PLEKHG1: variants seen among roughly 807,000 people sequenced by gnomAD.
The protein encoded by PLEKHG1 is pleckstrin homology domain-containing family G member 1.
In PLEKHG1, 44 loss-of-function variants were observed where a neutral mutation model predicts 100.8. The observed-to-expected ratio is 0.44, with a 90% CI of 0.34 to 0.56. The LOEUF (loss-of-function observed/expected upper bound fraction) is 0.56, where lower values mean the gene tolerates loss of function less well. Among genes scored for constraint, PLEKHG1 ranks in the 20% least tolerant of loss-of-function variants. The pLI is 0.01. For synonymous variants in PLEKHG1, 640 were observed against 662.5 expected (o/e 0.97, Z 0.52); for missense variants, 1,545 against 1,720.9 (o/e 0.90, Z 1.81).
chr6:150,818,299 A>G (rs1366447335), intron 11 of PLEKHG1, 83 bp downstream of exon 12: 4 of 1,048,826 alleles, frequency 3.8e-6, no homozygotes, highest in Non-Finnish European at 5.9e-6. Flanking sequence ...GTTCATGAAA[A>G]TGTCGATTGT....
At chr6:150,806,558 C>T (rs141032052) in intron 7 of PLEKHG1, among the ~76,000 whole-genome samples, 6,792 of 151,760 alleles carry the variant, frequency 0.045, 236 homozygotes, top group African/African-American at 0.095. Context: ...TGGTGGCACA[C>T]GCCTGTAATC....
exon 8 of PLEKHG1, chr6:150,809,190 A>G (rs1205511452): frequency 1.2e-6 from 2 of 1,613,618 alleles, no homozygotes; most frequent in Non-Finnish European, 1.7e-6. Context: ...TTCCGCATCC[A>G]GCGAGCCAAG....
chr6:150,737,528 A>G (rs907975803), intron 2 of PLEKHG1, among the ~76,000 whole-genome samples: 1 of 151,824 alleles, frequency 6.6e-6, no homozygotes, highest in Non-Finnish European at 1.5e-5. Context: ...TCCTGACCTC[A>G]TGATCCACCC....
At position 150,738,471 on chromosome 6, in the gene PLEKHG1, T is replaced by C. The variant is rs79527500; in HGVS notation, c.411+4379T>C. ...GATCCTCCTAACCCCAGTTGAGCAA[T>C]AGGATTCCCAGATGTTGGTTACACA... On this transcript the variant is annotated intron_variant, in intron 2 of 15. Coordinates refer to ENST00000358517, the Ensembl canonical transcript of PLEKHG1. Among the ~76,000 whole-genome samples the C allele has an allele frequency of 2.0e-3, 310 of 152,310 alleles. 10 individuals carry two copies. The East Asian group carries it at 0.049, about 24-fold the overall frequency.
exon 2 of PLEKHG1, chr6:150,733,639 C>A (rs2128617773): frequency 6.2e-7 from 1 of 1,614,018 alleles, no homozygotes; most frequent in East Asian, 2.2e-5. Flanking sequence ...TTCCACATCC[C>A]AAGACGACAG....
At chr6:150,818,691 A>G (rs1004114559) in intron 11 of PLEKHG1, among the ~76,000 whole-genome samples, 7 of 152,276 alleles carry the variant, frequency 4.6e-5, no homozygotes, top group Admixed American at 6.5e-5. Context: ...TTACAAAAGC[A>G]GGAGAGAATA....
chr6:150,658,383 TA>T (rs1001400801), intron 3 of PLEKHG1, among the ~76,000 whole-genome samples: 98 of 151,496 alleles, frequency 6.5e-4, no homozygotes, highest in Non-Finnish European at 7.2e-4. Flanking sequence ...TTCTTTGTCT[TA>T]AAAAAAAATG....
intron 1 of PLEKHG1, among the ~76,000 whole-genome samples, chr6:150,624,093 A>C (rs954187376): frequency 1.3e-5 from 2 of 152,216 alleles, no homozygotes; most frequent in African/African-American, 4.8e-5. Flanking sequence ...TCCTCATGTA[A>C]GATCCTGCAG....
intron 14 of PLEKHG1, 96 bp from the exon 16 acceptor site, chr6:150,830,486 G>T: frequency 1.2e-6 from 1 of 840,684 alleles, no homozygotes; most frequent in Non-Finnish European, 1.9e-6. Flanking sequence ...TTAAAGCCTA[G>T]TGGGGGAGGC....
At chr6:150,721,259 C>A in intron 1 of PLEKHG1, 1 of 776,912 alleles carries the variant, frequency 1.3e-6, no homozygotes, top group Non-Finnish European at 1.6e-6. Flanking sequence ...CTCCTTCCCT[C>A]TGGGAGCAGC....
chr6:150,829,478 C>T (rs376818576), intron 14 of PLEKHG1, among the ~76,000 whole-genome samples: 1 of 151,960 alleles, frequency 6.6e-6, no homozygotes, highest in Admixed American at 6.6e-5. Flanking sequence ...ATTAGCCAGG[C>T]GTGGTGGCGG....
chr6:150,707,856 G>C (rs1351084235), intron 3 of PLEKHG1, among the ~76,000 whole-genome samples: 84 of 152,262 alleles, frequency 5.5e-4, no homozygotes, highest in Non-Finnish European at 1.3e-4. Context: ...GGCCAGCTCA[G>C]CTGTCACTTC....
chr6:150,671,584 C>T (rs186567432), intron 3 of PLEKHG1, among the ~76,000 whole-genome samples: 55 of 152,332 alleles, frequency 3.6e-4, no homozygotes, highest in Non-Finnish European at 5.9e-4. Context: ...GCTGAGGAGA[C>T]AGTGCTTACA....
At chr6:150,735,774 T>G (rs939544424) in intron 2 of PLEKHG1, among the ~76,000 whole-genome samples, 2 of 152,208 alleles carry the variant, frequency 1.3e-5, no homozygotes, top group Non-Finnish European at 2.9e-5. Context: ...TCTTGGAAAC[T>G]AGTCTACCTA....
chr6:150,796,041 G>A (rs2128659516), intron 5 of PLEKHG1, 139 bp downstream of exon 6: 2 of 582,602 alleles, frequency 3.4e-6, no homozygotes, highest in South Asian at 2.9e-5. Flanking sequence ...AAAACGTGCT[G>A]AGAACAGATT....
At chr6:150,756,680 C>T (rs1477518709) in intron 2 of PLEKHG1, among the ~76,000 whole-genome samples, 2 of 152,134 alleles carry the variant, frequency 1.3e-5, no homozygotes, top group African/African-American at 4.8e-5. Context: ...CAGCCTTTTC[C>T]AGTTAATATT....
At chr6:150,830,707 C>A in exon 15 of PLEKHG1, 1 of 1,614,184 alleles carries the variant, frequency 6.2e-7, no homozygotes, top group South Asian at 1.1e-5. Flanking sequence ...TCAGAAACAT[C>A]TGGACCGATC....
intron 14 of PLEKHG1, chr6:150,828,402 C>T: frequency 6.4e-6 from 10 of 1,570,968 alleles, no homozygotes; most frequent in Non-Finnish European, 8.7e-6. Flanking sequence ...GCTGCTATCC[C>T]ATGCCGAACT....
chr6:150,640,113 C>A (rs553398135), intron 2 of PLEKHG1, among the ~76,000 whole-genome samples: 32 of 152,288 alleles, frequency 2.1e-4, no homozygotes, highest in Non-Finnish European at 4.1e-4. Context: ...TCTGGCCCTA[C>A]CTGCTGTCTG....
Sources: gnomAD v4.1 joint callset for allele counts (sites outside exome capture counted in the v4.1 genomes callset) on GRCh38, gnomAD v4.1.1 for gene constraint, MANE v1.5 for transcripts, NCBI Gene and HGNC (gene_info 2026-07-23, HGNC 2026-07-21) for gene names.